TMPRSS2: variants seen among roughly 807,000 people sequenced by gnomAD.
The protein encoded by TMPRSS2 is transmembrane serine protease 2, also known as transmembrane protease serine 2.
A neutral mutation model predicts 67.4 loss-of-function variants in TMPRSS2; 59 were observed. The ratio of observed to expected loss-of-function variants is 0.88; its 90% CI spans 0.71 to 1.09. The LOEUF (loss-of-function observed/expected upper bound fraction) is 1.09, where lower values mean the gene tolerates loss of function less well. Ranked by LOEUF, TMPRSS2 falls within the 50% of genes least tolerant of loss-of-function variation. TMPRSS2 has a pLI of 0.00. For missense variants in TMPRSS2, 668 were observed against 642.7 expected (o/e 1.04, Z -0.43); for synonymous variants, 257 against 257.0 (o/e 1.00, Z 0.00).
chr21:41,498,307 T>G (rs2091400187), intron 1 of TMPRSS2, 118 bp from the exon 2 acceptor site: 3 of 664,826 alleles, frequency 4.5e-6, no homozygotes, highest in Non-Finnish European at 7.7e-6. Context: ...AGACCAGTGT[T>G]GCCTGCTGAC....
At chr21:41,494,640 C>T (rs2091366183) in intron 2 of TMPRSS2, 62 bp from the exon 3 acceptor site, 7 of 1,384,172 alleles carry the variant, frequency 5.1e-6, no homozygotes, top group Non-Finnish European at 7.1e-6. Context: ...GGGTTACATA[C>T]AAACTATCAC....
rs780830476 is a variant in TMPRSS2, at chr21:41,473,545, C to A, written c.728-49G>T. On this transcript the variant is annotated intron_variant, in intron 8 of 13. Coordinates refer to ENST00000332149, the MANE Select transcript of TMPRSS2 (RefSeq NM_005656.4). ...AGTGGGGTGAGACCAGCAGAAGCCG[C>A]CCAGCCACCCAGCGCCCGCCCCTCC... The A allele has an allele frequency of 1.9e-6, 3 of 1,541,758 alleles. No homozygotes were observed. The Admixed American group carries it at 5.7e-5, about 29-fold the overall frequency.
At chr21:41,505,965 A>G (rs2091454872) in intron 1 of TMPRSS2, among the ~76,000 whole-genome samples, 1 of 152,096 alleles carries the variant, frequency 6.6e-6, no homozygotes, top group South Asian at 2.1e-4. Context: ...AAGCTTCCCA[A>G]CCTCTCTTCC....
chr21:41,496,073 A>G (rs1252248736), intron 2 of TMPRSS2, among the ~76,000 whole-genome samples: 5 of 152,230 alleles, frequency 3.3e-5, no homozygotes, highest in Non-Finnish European at 7.3e-5. Context: ...AAAACTGTAA[A>G]CTAGCAATAT....
At position 41,465,952 on chromosome 21, in the gene TMPRSS2, G is replaced by A; in HGVS notation, c.*190C>T. ...CCCCTTGCGGACAAGGGGTTAGGGA[G>A]AGCAGGCTGGGCAGGGGAGCCACTG... is the stretch of plus-strand genomic sequence containing the variant. On this transcript the variant is annotated 3_prime_UTR_variant, in exon 14 of 14. Transcript: ENST00000332149. The A allele has an allele frequency of 1.5e-6, 1 of 675,514 alleles. No individual in the cohort carries two copies. The highest frequency in any genetic ancestry group is 2.6e-6 in the Non-Finnish European group (1 of 389,146). The allele number at this position is 675,514 out of a possible 1,614,324, so 41.8% of individuals were successfully genotyped here. A position where few individuals can be genotyped will look rare whatever the true frequency, so the allele number is the denominator to read the frequency against.
chr21:41,467,730 T>C lies in TMPRSS2; in HGVS notation c.1467+4A>G. 1 of 1,614,056 alleles carries C rather than the reference T, an allele frequency of 6.2e-7. No individual in the cohort carries two copies. The highest frequency in any genetic ancestry group is 8.5e-7 in the Non-Finnish European group (1 of 1,179,940). On this transcript the variant is annotated splice_donor_region_variant and intron_variant, in intron 13 of 13. Transcript: ENST00000332149. ...CACAGTCAGAAGGAGGACAGGATAGTTACCCTCATTTGTCGATAAATCCAG... is the reference window on the plus strand; with the variant it reads ...CACAGTCAGAAGGAGGACAGGATAGCTACCCTCATTTGTCGATAAATCCAG...
chr21:41,479,044 C>T, intron 7 of TMPRSS2, 128 bp downstream of exon 7: 1 of 694,470 alleles, frequency 1.4e-6, no homozygotes, highest in African/African-American at 1.8e-5. Flanking sequence ...CTCTAATCTC[C>T]TCCCAATGCA....
rs144046631 is a variant in TMPRSS2 at position 41,471,916 on chromosome 21, T to C, written c.965A>G (p.Tyr322Cys). 2.9e-5 allele frequency: 46 copies of C among 1,613,338 alleles called. No homozygotes were observed. The African/African-American group carries it at 4.1e-4, about 15-fold the overall frequency. ...TTTTTCTACTTGGTATCCGGCTCCATAGAACATGAAAGATTGTCTCAAAAT... is the reference window on the plus strand; with the variant it reads ...TTTTTCTACTTGGTATCCGGCTCCACAGAACATGAAAGATTGTCTCAAAAT... ...AGILRQSFMF[Y>C]GAGYQVEKVI... Residue 322 changes from tyrosine to cysteine, a missense_variant, in exon 10 of 14, where the codon TAT (tyrosine) becomes TGT (cysteine). Transcript: ENST00000332149.
rs2091232914 is a variant in TMPRSS2, at chr21:41,478,492, G to C, written c.683+680C>G. On this transcript the variant is annotated intron_variant, in intron 7 of 13. Coordinates refer to ENST00000332149, the MANE Select transcript of TMPRSS2 (RefSeq NM_005656.4). This position sits in a 1 kb window ranked among gnomAD's most constrained non-coding sequence, Gnocchi z 4.0. ...TAACAGCAACAATCATAGCAAGTCT[G>C]CAAACATCCTAAATATGTGCAAAGC... 1.3e-5 allele frequency among the ~76,000 whole-genome samples: 2 copies of C among 152,196 alleles called. No individual in the cohort carries two copies.
intron 9 of TMPRSS2, among the ~76,000 whole-genome samples, chr21:41,472,828 G>A (rs1419605057): frequency 6.6e-6 from 1 of 152,174 alleles, no homozygotes; most frequent in African/African-American, 2.4e-5. Context: ...AAAGGGGAGG[G>A]GGTGGTAGCG....
intron 7 of TMPRSS2, among the ~76,000 whole-genome samples, chr21:41,477,625 A>AC (rs977814658): frequency 3.3e-5 from 5 of 151,492 alleles, no homozygotes; most frequent in East Asian, 1.9e-4. Flanking sequence ...ACTAAGGCAC[A>AC]CCCCCCGGGT....
chr21:41,501,816 C>CA (rs1476959591), intron 1 of TMPRSS2, among the ~76,000 whole-genome samples: 1 of 152,198 alleles, frequency 6.6e-6, no homozygotes, highest in Admixed American at 6.5e-5. Flanking sequence ...CGCATTAACT[C>CA]ATTTCTGAAA....
rs2146494619 is a variant in TMPRSS2, at chr21:41,498,099, G to A, written c.15+20C>T. ...AAGGGAACAAAGAAAAGGCCAGGAA[G>A]GTAATAATTAACCACTTACTGAGTT... On this transcript the variant is annotated intron_variant, in intron 2 of 13. Coordinates refer to ENST00000332149, the MANE Select transcript of TMPRSS2 (RefSeq NM_005656.4). 1 of 1,567,812 alleles carries A rather than the reference G, an allele frequency of 6.4e-7. No homozygotes were observed. Among genetic ancestry groups the A allele is most frequent in the Non-Finnish European group, 8.8e-7 (1 of 1,140,826 alleles).
Position 41,488,532 on chromosome 21 carries a change from G to A in TMPRSS2, c.326-19C>T, listed in dbSNP as rs1211138804. 1.2e-6 allele frequency: 2 copies of A among 1,606,186 alleles called. No individual in the cohort carries two copies. The highest frequency in any genetic ancestry group is 1.3e-5 in the African/African-American group (1 of 74,940). On this transcript the variant is annotated intron_variant, in intron 4 of 13. Transcript: ENST00000332149. ...CTGCCCACTTGCAGAGAAAACAGAA[G>A]AGAGGTGCCCTTCAGGCTGAGAAAC...
chr21:41,486,765 C>T (rs2091301566), intron 5 of TMPRSS2: 1 of 152,188 alleles, frequency 6.6e-6, no homozygotes, highest in South Asian at 2.1e-4. Context: ...GAGTCACTAA[C>T]TACCCTTGAA....
intron 8 of TMPRSS2, among the ~76,000 whole-genome samples, chr21:41,473,923 G>A (rs1356402464): frequency 8.2e-6 from 1 of 121,260 alleles, no homozygotes; most frequent in Non-Finnish European, 1.7e-5. Context: ...GGGTGAGTGA[G>A]GGAGTGAGTG....
chr21:41,500,269 G>A (rs992500359), intron 1 of TMPRSS2, among the ~76,000 whole-genome samples: 1 of 152,218 alleles, frequency 6.6e-6, no homozygotes, highest in Non-Finnish European at 1.5e-5. Context: ...AGTGCTTCAT[G>A]CTTAGCATAA....
chr21:41,473,079 C>A (rs914565300), intron 9 of TMPRSS2, among the ~76,000 whole-genome samples: 1 of 152,146 alleles, frequency 6.6e-6, no homozygotes, highest in Non-Finnish European at 1.5e-5. Context: ...CTGGTCACGG[C>A]GACATCGTGG....
intron 4 of TMPRSS2, among the ~76,000 whole-genome samples, chr21:41,488,714 T>C (rs2091315156): frequency 6.6e-6 from 1 of 152,218 alleles, no homozygotes; most frequent in Admixed American, 6.5e-5. Context: ...CTTGGCTCAC[T>C]GCAACCTCCA....
Sources: gnomAD v4.1 joint callset for allele counts (sites outside exome capture counted in the v4.1 genomes callset) on GRCh38, gnomAD v4.1.1 for gene constraint, Gnocchi (gnomAD v3.1) non-coding constraint, MANE v1.5 for transcripts, NCBI Gene and HGNC (gene_info 2026-07-23, HGNC 2026-07-21) for gene names.